The following PRKCZ variants were observed in gnomAD, a reference collection of about 807,000 sequenced individuals.
The protein encoded by PRKCZ is protein kinase C zeta, also known as protein kinase C zeta type.
A neutral mutation model predicts 79.5 loss-of-function variants in PRKCZ; 33 were observed. That is an observed-to-expected ratio of 0.41 (90% CI 0.31 to 0.55). PRKCZ has a LOEUF of 0.55. Among genes scored for constraint, PRKCZ ranks in the 20% least tolerant of loss-of-function variants. The pLI, the probability that PRKCZ is intolerant of heterozygous loss-of-function variation, is 0.19. For missense variants in PRKCZ, 578 were observed against 813.5 expected, an observed-to-expected ratio of 0.71 and a Z score of 3.52; for synonymous variants, 342 against 320.9, an observed-to-expected ratio of 1.07 and a Z score of -0.70.
intron 5 of PRKCZ, among the ~76,000 whole-genome samples, chr1:2,135,615 G>T (rs901473757): frequency 1.3e-5 from 2 of 152,230 alleles, no homozygotes; most frequent in Non-Finnish European, 2.9e-5. Flanking sequence ...TCTTATCAGG[G>T]CTCAGGGCTC....
rs144312923 is a variant in PRKCZ at position 2,107,492 on chromosome 1, G to A, written c.335-27770G>A. ...TTTTTCAACTACAGATGGAGCTGCG[G>A]TGGGAAAACGTGTGCAGATACCTCC... On this transcript the variant is annotated intron_variant, in intron 4 of 17. Transcript: ENST00000378567. Among the ~76,000 whole-genome samples the A allele has an allele frequency of 4.3e-4, 65 of 152,360 alleles. 1 individual carries two copies. In the East Asian group the frequency reaches 0.011, roughly 27 times the overall value.
Position 2,055,091 on chromosome 1 carries a change from C to T in PRKCZ, c.72-350C>T, listed in dbSNP as rs563839088. The stretch of plus-strand genomic sequence containing the variant: ...CCGAGTAGCTGGGACTACAGGCGCC[C>T]GCCACCGCGCCTGGCTAATTTTTTG... On this transcript the variant is annotated intron_variant, in intron 1 of 17. Coordinates refer to ENST00000378567, the MANE Select transcript of PRKCZ (RefSeq NM_002744.6). 7.9e-3 allele frequency among the ~76,000 whole-genome samples: 1,208 copies of T among 152,072 alleles called. 57 individuals are homozygous for T. Among genetic ancestry groups the T allele is most frequent in the Admixed American group, 0.065 (992 of 15,270 alleles).
chr1:2,131,539 C>G (rs1343442738), intron 4 of PRKCZ, among the ~76,000 whole-genome samples: 5 of 152,218 alleles, frequency 3.3e-5, no homozygotes, highest in Admixed American at 6.5e-5. Context: ...ATTATCCTCT[C>G]TGTCCCTGTG....
chr1:2,124,541 C>T (rs981017011), intron 4 of PRKCZ, among the ~76,000 whole-genome samples: 3 of 152,134 alleles, frequency 2.0e-5, no homozygotes, highest in East Asian at 1.9e-4. Flanking sequence ...AGCATGAGGC[C>T]GCCAGCAAGC....
intron 4 of PRKCZ, among the ~76,000 whole-genome samples, chr1:2,095,883 C>T (rs1254855450): frequency 1.8e-5 from 2 of 112,016 alleles, no homozygotes; most frequent in Non-Finnish European, 3.8e-5. Context: ...CTTTCCCCTC[C>T]CCTCCTTTCC....
chr1:2,170,160 G>A (rs761752455), intron 11 of PRKCZ, among the ~76,000 whole-genome samples: 1 of 152,130 alleles, frequency 6.6e-6, no homozygotes, highest in Non-Finnish European at 1.5e-5. Flanking sequence ...GGAGCAGAAC[G>A]AGAGTGGTCT....
Position 2,184,846 on chromosome 1 carries a change from T to C in PRKCZ, c.1692-76T>C, listed in dbSNP as rs933047502. 1.7e-5 allele frequency: 24 copies of C among 1,437,858 alleles called. No individual in the cohort carries two copies. The African/African-American group carries it at 2.2e-4, about 13-fold the overall frequency. The allele number at this position is 1,437,858 out of a possible 1,614,324, so 89.1% of individuals were successfully genotyped here. The stretch of plus-strand genomic sequence containing the variant: ...AGTGGGCGTTGGGGGAGGATTCTTA[T>C]GCGAACGTGACTCCGCTTCCCCCAA... On this transcript the variant is annotated intron_variant, in intron 17 of 17. Transcript: ENST00000378567.
intron 4 of PRKCZ, among the ~76,000 whole-genome samples, chr1:2,071,773 G>A (rs1222835733): frequency 6.6e-6 from 1 of 152,192 alleles, no homozygotes; most frequent in Non-Finnish European, 1.5e-5. Context: ...TTTCCTGTGG[G>A]AGCTCAGCGT....
chr1:2,136,016 C>T (rs192876333), intron 5 of PRKCZ, among the ~76,000 whole-genome samples: 17 of 152,236 alleles, frequency 1.1e-4, no homozygotes, highest in African/African-American at 3.4e-4. Flanking sequence ...TATACAGGGC[C>T]TGTCCCCACT....
intron 10 of PRKCZ, among the ~76,000 whole-genome samples, chr1:2,158,421 C>A (rs1174715063): frequency 6.6e-6 from 1 of 152,244 alleles, no homozygotes; most frequent in Non-Finnish European, 1.5e-5. Context: ...TTCAGCGTGG[C>A]GCCCTCGCCC....
intron 4 of PRKCZ, among the ~76,000 whole-genome samples, chr1:2,090,559 G>A (rs1440926093): frequency 3.3e-5 from 5 of 152,220 alleles, no homozygotes; most frequent in Admixed American, 2.0e-4. Context: ...GGTCCCTGGG[G>A]TCAGAGCCCA....
chr1:2,102,313 C>A (rs557577394), intron 4 of PRKCZ, among the ~76,000 whole-genome samples: 3 of 112,708 alleles, frequency 2.7e-5, no homozygotes, highest in Non-Finnish European at 5.2e-5. Context: ...TTTTTTATTG[C>A]GTTTTTTTTT....
At chr1:2,132,091 G>A (rs1025134961) in intron 4 of PRKCZ, among the ~76,000 whole-genome samples, 5 of 152,196 alleles carry the variant, frequency 3.3e-5, no homozygotes, top group African/African-American at 7.2e-5. Flanking sequence ...GATTACAGGC[G>A]GGAGCCACCG....
chr1:2,095,402 G>A (rs1009176506), intron 4 of PRKCZ, among the ~76,000 whole-genome samples: 2 of 152,144 alleles, frequency 1.3e-5, no homozygotes, highest in African/African-American at 4.8e-5. Flanking sequence ...GCTGAGCATT[G>A]GTGGAGGAGG....
At chr1:2,101,019 TAAAAAAA>T (rs3067304) in intron 4 of PRKCZ, among the ~76,000 whole-genome samples, 13 of 133,486 alleles carry the variant, frequency 9.7e-5, no homozygotes, top group African/African-American at 3.0e-4. Context: ...TTTATTTTGT[TAAAAAAA>T]AAAAAAAAAA....
At chr1:2,118,918 G>T (rs1356236817) in intron 4 of PRKCZ, among the ~76,000 whole-genome samples, 1 of 152,048 alleles carries the variant, frequency 6.6e-6, no homozygotes, top group African/African-American at 2.4e-5. Context: ...GATTTAGTCC[G>T]TTTACATTTA....
intron 4 of PRKCZ, among the ~76,000 whole-genome samples, chr1:2,129,434 C>A (rs1043443083): frequency 2.0e-5 from 3 of 152,260 alleles, no homozygotes; most frequent in South Asian, 4.2e-4. Flanking sequence ...TGCAGCAGGG[C>A]CCGAGAGGCA....
intron 11 of PRKCZ, 95 bp from the exon 12 acceptor site, chr1:2,171,960 G>T (rs1433243989): frequency 7.0e-7 from 1 of 1,435,618 alleles, no homozygotes; most frequent in Non-Finnish European, 9.3e-7. Flanking sequence ...CCGGGCCCGT[G>T]GTGGGGCAAA....
intron 4 of PRKCZ, among the ~76,000 whole-genome samples, chr1:2,092,473 G>A (rs1665693370): frequency 6.6e-6 from 1 of 152,334 alleles, no homozygotes; most frequent in South Asian, 2.1e-4. Context: ...CCCTTTTTCA[G>A]AGCAACCTGT....
Sources: gnomAD v4.1 joint callset for allele counts (sites outside exome capture counted in the v4.1 genomes callset) on GRCh38, gnomAD v4.1.1 for gene constraint, MANE v1.5 for transcripts, NCBI Gene and HGNC (gene_info 2026-07-23, HGNC 2026-07-21) for gene names.